Variants in STIP1 observed in about 807,000 individuals in gnomAD.
STIP1 encodes stress induced phosphoprotein 1.
Under a neutral mutation model 77.4 loss-of-function variants are expected in STIP1, and 16 were observed. The observed-to-expected ratio is 0.21, with a 90% confidence interval of 0.14 to 0.31. The LOEUF (loss-of-function observed/expected upper bound fraction) is 0.31. Among genes scored for constraint, STIP1 ranks in the 10% least tolerant of loss-of-function variants. The probability of loss-of-function intolerance (pLI) is 1.00; values close to 1 mark genes in which losing one functional copy is unlikely to be tolerated. For synonymous variants in STIP1, 258 were observed against 246.6 expected (o/e 1.05, Z -0.44); for missense variants, 524 against 684.8 (o/e 0.77, Z 2.62).
chr11:64,194,148 C>G (rs755309350), intron 2 of STIP1, 41 bp from the exon 3 acceptor site: 16 of 1,585,096 alleles, frequency 1.0e-5, no homozygotes, highest in African/African-American at 1.4e-5. Context: ...AGATTTACCT[C>G]TGGGTGTTCT....
intron 1 of STIP1, among the ~76,000 whole-genome samples, chr11:64,188,375 C>T (rs986061528): frequency 6.6e-6 from 1 of 150,936 alleles, no homozygotes. Flanking sequence ...GAAACGATTT[C>T]TGTTACCAAA....
chr11:64,193,947 A>G (rs1426164850), intron 2 of STIP1, among the ~76,000 whole-genome samples: 1 of 152,228 alleles, frequency 6.6e-6, no homozygotes, highest in African/African-American at 2.4e-5. Flanking sequence ...AAGTGTTGCC[A>G]AAGAAACTGA....
rs759251087 is a variant in STIP1, at chr11:64,203,516, G to T, written c.1453G>T (p.Val485Leu). 5.0e-6 allele frequency: 8 copies of T among 1,614,152 alleles called. No homozygotes were observed. The South Asian group carries it at 8.8e-5, about 18-fold the overall frequency. ...QYNRHDSPEDVKRRAMADPEV... is the reference protein window; with the variant it reads ...QYNRHDSPEDLKRRAMADPEV... ...CAACCGGCACGACAGCCCCGAAGATGTGAAGCGACGAGCCATGGCCGACCC... is the reference window on the plus strand; with the variant it reads ...CAACCGGCACGACAGCCCCGAAGATTTGAAGCGACGAGCCATGGCCGACCC... The change falls in exon 13 of 14, where the codon GTG becomes TTG. Residue 485 changes from valine (V) to leucine (L), a missense_variant. By Grantham distance (32) the Val-to-Leu change is conservative. Transcript: ENST00000305218.
At chr11:64,198,069 T>A in intron 8 of STIP1, 95 bp downstream of exon 8, 1 of 1,507,856 alleles carries the variant, frequency 6.6e-7, no homozygotes, top group East Asian at 2.3e-5. Flanking sequence ...TGACTTTTTT[T>A]TTTTTTTGAG....
At chr11:64,200,371 C>T in intron 10 of STIP1, 78 bp downstream of exon 10, 1 of 1,530,742 alleles carries the variant, frequency 6.5e-7, no homozygotes, top group Non-Finnish European at 8.8e-7. Context: ...TCCTCATCAA[C>T]ATTGAGTTGA....
chr11:64,203,926 C>T, intron 13 of STIP1, 128 bp from the exon 14 acceptor site: 1 of 1,150,648 alleles, frequency 8.7e-7, no homozygotes, highest in Non-Finnish European at 1.3e-6. Context: ...CAGCTCGGCG[C>T]CCCGGGCCTC....
intron 8 of STIP1, 126 bp downstream of exon 8, chr11:64,198,100 C>T (rs918818461): frequency 1.6e-5 from 22 of 1,346,196 alleles, no homozygotes; most frequent in Non-Finnish European, 2.1e-5. Flanking sequence ...ACTCTTTCAC[C>T]CAGGCTGAAA....
intron 2 of STIP1, 110 bp downstream of exon 2, chr11:64,193,397 C>G (rs892173325): frequency 7.4e-6 from 7 of 950,852 alleles, no homozygotes; most frequent in Non-Finnish European, 9.8e-6. Context: ...CTACCCACCT[C>G]CCTGTTTGAG....
intron 10 of STIP1, among the ~76,000 whole-genome samples, chr11:64,201,518 C>T (rs960140651): frequency 6.6e-6 from 1 of 152,178 alleles, no homozygotes; most frequent in Non-Finnish European, 1.5e-5. Flanking sequence ...GCCACCCTGC[C>T]TCTATCAGCA....
chr11:64,185,745 G>T, upstream of STIP1: 1 of 1,500,254 alleles, frequency 6.7e-7, no homozygotes, highest in Non-Finnish European at 8.9e-7. Flanking sequence ...TTGAAGGGCA[G>T]CGATTTAAAC....
chr11:64,195,751 C>G lies in STIP1; in HGVS notation c.610C>G (p.Pro204Ala), dbSNP rs774331520. ...EEIATPPPPPPPKKETKPEPM... is the reference protein window; with the variant it reads ...EEIATPPPPPAPKKETKPEPM... ...GATTGCAACACCTCCACCACCACCC[C>G]CTCCCAAAAAGGAGACCAAGCCAGA... The change falls in exon 5 of 14, where the codon CCT becomes GCT. Residue 204 changes from proline to alanine, a missense_variant. Transcript: ENST00000305218. The G allele has an allele frequency of 2.5e-6, 4 of 1,614,080 alleles. No homozygotes were observed. The highest frequency in any genetic ancestry group is 1.1e-5 in the South Asian group (1 of 91,072).
intron 1 of STIP1, chr11:64,186,573 T>G: frequency 8.0e-6 from 1 of 125,544 alleles, no homozygotes; most frequent in Non-Finnish European, 1.5e-5. Flanking sequence ...CCTGAAGGCG[T>G]CCCGAGGGGG....
At chr11:64,202,810 T>C in intron 10 of STIP1, 66 bp from the exon 11 acceptor site, 1 of 1,595,382 alleles carries the variant, frequency 6.3e-7, no homozygotes. Flanking sequence ...GTCCACATGC[T>C]TGAGTTGCCT....
At chr11:64,203,307 CT>C in intron 12 of STIP1, 79 bp downstream of exon 12, 1 of 1,587,042 alleles carries the variant, frequency 6.3e-7, no homozygotes, top group Non-Finnish European at 8.6e-7. Flanking sequence ...TCCCTGATTT[CT>C]TCCCTGTCAC....
In STIP1 at chr11:64,204,339, C is replaced by T. The variant is rs750203934; in HGVS notation, c.*213C>T. On this transcript the variant is annotated 3_prime_UTR_variant, in exon 14 of 14. Coordinates refer to ENST00000305218, the MANE Select transcript of STIP1 (RefSeq NM_006819.3). Reference sequence around the variant, plus strand: ...CCCAGCACACGCATGGTCTCTTCACCGCTGCCCTCGAGTTCCATGTCTCTT... The same window carrying T: ...CCCAGCACACGCATGGTCTCTTCACTGCTGCCCTCGAGTTCCATGTCTCTT... The T allele has an allele frequency of 2.8e-5, 15 of 539,108 alleles. No homozygotes were observed. The highest frequency in any genetic ancestry group is 5.4e-5 in the South Asian group (2 of 37,334). The allele number at this position is 539,108 out of a possible 1,614,324, so 33.4% of individuals were successfully genotyped here.
chr11:64,195,452 A>G (rs1480748738), intron 4 of STIP1, among the ~76,000 whole-genome samples, 193 bp from the exon 5 acceptor site: 2 of 152,060 alleles, frequency 1.3e-5, no homozygotes, highest in East Asian at 3.8e-4. Context: ...TGTTGACTCT[A>G]TTTTAGATAG....
At chr11:64,198,911 C>A (rs2134802559) in intron 8 of STIP1, among the ~76,000 whole-genome samples, 1 of 152,098 alleles carries the variant, frequency 6.6e-6, no homozygotes, top group Middle Eastern at 3.4e-3. Context: ...AAAATCTTGC[C>A]AGCAATAGCC....
Position 64,198,967 on chromosome 11 carries a change from A to G in STIP1, c.1024-973A>G, listed in dbSNP as rs1481837997. Reference sequence around the variant, plus strand: ...GTAATCCCAGCACTTTGGGAGGCTGAGGTGGGTGGATCACAAGGTCAGGAG... The same window carrying G: ...GTAATCCCAGCACTTTGGGAGGCTGGGGTGGGTGGATCACAAGGTCAGGAG... On this transcript the variant is annotated intron_variant, in intron 8 of 13. Transcript: ENST00000305218. 4.0e-5 allele frequency among the ~76,000 whole-genome samples: 6 copies of G among 151,078 alleles called. No individual in the cohort carries two copies. The East Asian group carries it at 1.2e-3, about 29-fold the overall frequency.
At chr11:64,186,336 T>A in intron 1 of STIP1, 66 bp downstream of exon 1, 1 of 226,386 alleles carries the variant, frequency 4.4e-6, no homozygotes. Flanking sequence ...CAGGCCGCGG[T>A]AGGGGGGCGG....
Sources: gnomAD v4.1 joint callset for allele counts (sites outside exome capture counted in the v4.1 genomes callset) on GRCh38, gnomAD v4.1.1 for gene constraint, MANE v1.5 for transcripts, NCBI Gene and HGNC (gene_info 2026-07-23, HGNC 2026-07-21) for gene names.